GLI2: variants seen among roughly 807,000 people sequenced by gnomAD.
GLI2 encodes the protein GLI family zinc finger 2, also known as transcription activator GLI2.
A neutral mutation model predicts 78.9 loss-of-function variants in GLI2; 22 were observed. The observed-to-expected ratio is 0.28, with a 90% CI of 0.20 to 0.40. The LOEUF is 0.40. Among genes scored for constraint, GLI2 ranks in the 10% least tolerant of loss-of-function variants. GLI2 has a pLI of 1.00. For synonymous variants in GLI2, 974 were observed against 963.7 expected (o/e 1.01, Z -0.20); for missense variants, 2,097 against 2,213.2 (o/e 0.95, Z 1.05).
chr2:120,929,701 G>T (rs1679858901), intron 3 of GLI2, among the ~76,000 whole-genome samples: 1 of 152,198 alleles, frequency 6.6e-6, no homozygotes, highest in African/African-American at 2.4e-5. Flanking sequence ...GACATGTTGG[G>T]AACTTTTTGT....
At chr2:120,983,473 G>C (rs945394986) in intron 11 of GLI2, among the ~76,000 whole-genome samples, 2 of 152,216 alleles carry the variant, frequency 1.3e-5, no homozygotes, top group Non-Finnish European at 2.9e-5. Flanking sequence ...ACTGCCTGAG[G>C]GAAGCAGAGC....
At chr2:120,977,829 A>T (rs1187315724) in intron 9 of GLI2, among the ~76,000 whole-genome samples, 2 of 152,220 alleles carry the variant, frequency 1.3e-5, no homozygotes, top group Admixed American at 1.3e-4. Context: ...TGTGCAGGCC[A>T]CTGAACTCTC....
At chr2:120,957,339 T>C (rs1681323301) in intron 5 of GLI2, among the ~76,000 whole-genome samples, 1 of 152,222 alleles carries the variant, frequency 6.6e-6, no homozygotes, top group Non-Finnish European at 1.5e-5. Flanking sequence ...TTGACGTCCC[T>C]CTGAGTACAC....
chr2:120,783,459 C>T (rs865895327), intron 1 of GLI2, among the ~76,000 whole-genome samples: 12 of 151,972 alleles, frequency 7.9e-5, no homozygotes, highest in Middle Eastern at 3.2e-3. Context: ...CTTTAAAGAG[C>T]GTTCTCATTT....
chr2:120,814,431 T>A (rs1201967230), intron 2 of GLI2, among the ~76,000 whole-genome samples: 1 of 152,178 alleles, frequency 6.6e-6, no homozygotes, highest in East Asian at 1.9e-4. Flanking sequence ...TCTAGGCAGA[T>A]CACCTGGCTG....
chr2:120,751,870 C>CTTTATTCATTTTAAACATATTT (rs1682883317), intron 1 of GLI2, among the ~76,000 whole-genome samples: 1 of 152,122 alleles, frequency 6.6e-6, no homozygotes, highest in Non-Finnish European at 1.5e-5. Flanking sequence ...AAGGTGAGAT[C>CTTTATTCATTTTAAACATATTT]ATGTTTAAGG....
intron 7 of GLI2, among the ~76,000 whole-genome samples, chr2:120,971,215 T>G (rs560781946): frequency 6.6e-6 from 1 of 152,316 alleles, no homozygotes; most frequent in Non-Finnish European, 1.5e-5. Flanking sequence ...AGAGTGGGAT[T>G]CCTGATGCCT....
intron 2 of GLI2, among the ~76,000 whole-genome samples, chr2:120,831,591 C>T (rs928486881): frequency 3.3e-5 from 5 of 152,150 alleles, no homozygotes; most frequent in Admixed American, 1.3e-4. Context: ...TAGTAGATTC[C>T]GTTTTGAGAG....
chr2:120,897,619 A>G (rs912889706), intron 2 of GLI2, among the ~76,000 whole-genome samples: 3 of 152,300 alleles, frequency 2.0e-5, no homozygotes, highest in African/African-American at 7.2e-5. Flanking sequence ...TACCTGTGTC[A>G]TAACAAAGGA....
At chr2:120,896,435 G>A (rs1677947998) in intron 2 of GLI2, among the ~76,000 whole-genome samples, 4 of 152,154 alleles carry the variant, frequency 2.6e-5, no homozygotes, top group Admixed American at 2.6e-4. Flanking sequence ...ATGAGTATTA[G>A]CCAGGCCCAC....
At chr2:120,836,968 A>G (rs1423805573) in intron 2 of GLI2, among the ~76,000 whole-genome samples, 12 of 152,272 alleles carry the variant, frequency 7.9e-5, no homozygotes, top group Non-Finnish European at 1.6e-4. Context: ...TTTCATTTGC[A>G]TTCTGCTCTT....
intron 2 of GLI2, among the ~76,000 whole-genome samples, chr2:120,917,087 A>G (rs1679139646): frequency 6.6e-6 from 1 of 152,222 alleles, no homozygotes; most frequent in African/African-American, 2.4e-5. Flanking sequence ...TTAGCCATGC[A>G]AACAGCAAGC....
At chr2:120,740,526 G>A (rs539092445) in intron 1 of GLI2, among the ~76,000 whole-genome samples, 1 of 152,112 alleles carries the variant, frequency 6.6e-6, no homozygotes, top group African/African-American at 2.4e-5. Flanking sequence ...GTTTTAGTGC[G>A]TTTGCCATTG....
intron 2 of GLI2, among the ~76,000 whole-genome samples, chr2:120,891,376 G>A (rs1558861671): frequency 6.6e-6 from 1 of 152,190 alleles, no homozygotes; most frequent in Non-Finnish European, 1.5e-5. Flanking sequence ...TTTGGTCTCT[G>A]TTTAACTTCT....
chr2:120,893,693 TC>T (rs1677793541), intron 2 of GLI2, among the ~76,000 whole-genome samples: 1 of 146,602 alleles, frequency 6.8e-6, no homozygotes, highest in African/African-American at 2.5e-5. Context: ...AAAACCAAGT[TC>T]CCCCCAACCC....
At chr2:120,929,029 A>G (rs2104875981) in intron 3 of GLI2, among the ~76,000 whole-genome samples, 1 of 152,210 alleles carries the variant, frequency 6.6e-6, no homozygotes, top group African/African-American at 2.4e-5. Flanking sequence ...CCTGTCTGGG[A>G]CGGTTCCTTA....
At chr2:120,899,352 T>C (rs1221750572) in intron 2 of GLI2, among the ~76,000 whole-genome samples, 1 of 152,038 alleles carries the variant, frequency 6.6e-6, no homozygotes, top group Non-Finnish European at 1.5e-5. Context: ...AGGACTTCCT[T>C]TTTTGGAAGT....
At chr2:120,977,725 C>T (rs1358748317) in intron 9 of GLI2, among the ~76,000 whole-genome samples, 5 of 152,214 alleles carry the variant, frequency 3.3e-5, no homozygotes, top group Non-Finnish European at 4.4e-5. Context: ...ACTCACTTGC[C>T]TGGGGCCGTT....
intron 2 of GLI2, among the ~76,000 whole-genome samples, chr2:120,833,302 G>A (rs1035291002): frequency 6.6e-5 from 10 of 151,810 alleles, no homozygotes; most frequent in African/African-American, 2.4e-4. Context: ...GGGTTCCTAA[G>A]GGCTGTAACC....
Sources: allele counts gnomAD v4.1 joint callset (sites outside exome capture counted in the v4.1 genomes callset), GRCh38; gene constraint gnomAD v4.1.1; transcripts MANE v1.5; gene names NCBI Gene and HGNC (gene_info 2026-07-23, HGNC 2026-07-21).